The following RALYL variants were observed in gnomAD, a reference collection of about 807,000 sequenced individuals.
RALYL encodes the protein RALY RNA binding protein like.
RALYL carries 29 observed loss-of-function variants against 35.1 expected under a neutral mutation model. The observed-to-expected ratio is 0.83, with a 90% CI of 0.61 to 1.13. RALYL has a LOEUF of 1.13. Ranked by LOEUF, RALYL falls within the 50% of genes most tolerant of loss-of-function variation. RALYL has a pLI of 0.00. For missense variants in RALYL, 359 were observed against 360.4 expected (o/e 1.00, Z 0.03); for synonymous variants, 120 against 127.6 (o/e 0.94, Z 0.40).
intron 6 of RALYL, among the ~76,000 whole-genome samples, chr8:84,869,013 TTA>T (rs139498971): frequency 6.6e-6 from 1 of 151,076 alleles, no homozygotes; most frequent in Non-Finnish European, 1.5e-5. Flanking sequence ...TATAGGATAT[TTA>T]TATATATATA....
intron 2 of RALYL, among the ~76,000 whole-genome samples, chr8:84,530,487 T>TAA (rs11357141): frequency 2.8e-5 from 4 of 143,910 alleles, no homozygotes; most frequent in African/African-American, 5.1e-5. Context: ...TTATCCAGTT[T>TAA]AAAAAAAAAA....
chr8:84,800,804 T>C (rs1823067521), intron 3 of RALYL, among the ~76,000 whole-genome samples: 1 of 152,176 alleles, frequency 6.6e-6, no homozygotes, highest in Non-Finnish European at 1.5e-5. Context: ...TTCTTTTACT[T>C]TTTTTTCATT....
At chr8:84,496,432 A>C (rs1474598861) in intron 1 of RALYL, among the ~76,000 whole-genome samples, 1 of 152,168 alleles carries the variant, frequency 6.6e-6, no homozygotes, top group African/African-American at 2.4e-5. Flanking sequence ...GAAGATTTAC[A>C]CAACTGACAG....
At chr8:84,470,113 G>A (rs1002016327) in intron 1 of RALYL, among the ~76,000 whole-genome samples, 6 of 152,162 alleles carry the variant, frequency 3.9e-5, no homozygotes, top group East Asian at 1.9e-4. Flanking sequence ...CGTCGCTCAC[G>A]CTGGGAGCTG....
intron 2 of RALYL, among the ~76,000 whole-genome samples, chr8:84,566,460 A>C (rs149412040): frequency 6.6e-6 from 1 of 151,628 alleles, no homozygotes; most frequent in African/African-American, 2.4e-5. Context: ...TTCTCTGTGC[A>C]TACTAGAGCC....
chr8:84,693,204 C>T (rs1456189540), intron 2 of RALYL, among the ~76,000 whole-genome samples: 2 of 151,896 alleles, frequency 1.3e-5, no homozygotes, highest in East Asian at 3.9e-4. Context: ...TGTATTAGCC[C>T]ATTCTCACAC....
intron 1 of RALYL, among the ~76,000 whole-genome samples, chr8:84,200,566 A>G (rs538914447): frequency 1.3e-5 from 2 of 152,246 alleles, no homozygotes; most frequent in East Asian, 3.9e-4. Flanking sequence ...TCTTAAAATA[A>G]TTTTAACTGT....
At chr8:84,606,800 G>T (rs999685878) in intron 2 of RALYL, among the ~76,000 whole-genome samples, 1 of 152,054 alleles carries the variant, frequency 6.6e-6, no homozygotes, top group Non-Finnish European at 1.5e-5. Flanking sequence ...GCATTAAAGG[G>T]CAATATACCA....
chr8:84,352,830 A>G (rs1419070794), intron 1 of RALYL, among the ~76,000 whole-genome samples: 2 of 150,308 alleles, frequency 1.3e-5, no homozygotes, highest in Non-Finnish European at 3.0e-5. Context: ...ACTGATAGTC[A>G]GTAGACCTAG....
chr8:84,446,303 GTTC>G (rs1232938654), intron 1 of RALYL, among the ~76,000 whole-genome samples: 2 of 151,862 alleles, frequency 1.3e-5, no homozygotes, highest in Non-Finnish European at 2.9e-5. Flanking sequence ...AAAAATCATA[GTTC>G]TTTTTTAAAA....
In RALYL at chr8:84,347,858, T is replaced by C. The variant is rs190282115; in HGVS notation, c.-24+163434T>C. 6.6e-5 allele frequency among the ~76,000 whole-genome samples: 10 copies of C among 152,244 alleles called. No individual in the cohort carries two copies. In the East Asian group the frequency reaches 1.9e-3, roughly 30 times the overall value. On this transcript the variant is annotated intron_variant, in intron 1 of 8. Coordinates refer to ENST00000521268, the MANE Select transcript of RALYL (RefSeq NM_173848.7). ...ACAAATTAAATTCAGCAAAGCTTGC[T>C]ATTTGAGTAAAGAACAATTCATGAG... is the stretch of plus-strand genomic sequence containing the variant.
chr8:84,228,076 C>T (rs558437163), intron 1 of RALYL, among the ~76,000 whole-genome samples: 1 of 150,982 alleles, frequency 6.6e-6, no homozygotes, highest in Non-Finnish European at 1.5e-5. Flanking sequence ...TGAAGAGATA[C>T]TCCCCTATTC....
At chr8:84,341,879 C>T (rs1848854019) in intron 1 of RALYL, among the ~76,000 whole-genome samples, 1 of 151,812 alleles carries the variant, frequency 6.6e-6, no homozygotes, top group South Asian at 2.1e-4. Context: ...TGGAGAATTT[C>T]CCATATGTAG....
At chr8:84,885,617 C>T (rs1338886861) in intron 7 of RALYL, among the ~76,000 whole-genome samples, 2 of 152,056 alleles carry the variant, frequency 1.3e-5, no homozygotes, top group Non-Finnish European at 2.9e-5. Flanking sequence ...AACATCAAGG[C>T]GTGTATAGCT....
chr8:84,764,702 C>A (rs879596084), intron 2 of RALYL, among the ~76,000 whole-genome samples: 2 of 152,166 alleles, frequency 1.3e-5, no homozygotes, highest in African/African-American at 2.4e-5. Flanking sequence ...TGTGTCAGAA[C>A]TAATTTATGA....
At chr8:84,636,245 G>A (rs1458041580) in intron 2 of RALYL, among the ~76,000 whole-genome samples, 2 of 151,632 alleles carry the variant, frequency 1.3e-5, no homozygotes, top group South Asian at 2.1e-4. Context: ...GCTCTGAAAT[G>A]TCTTATATCT....
intron 2 of RALYL, among the ~76,000 whole-genome samples, chr8:84,530,162 G>A (rs1425311599): frequency 1.3e-5 from 2 of 151,768 alleles, no homozygotes; most frequent in Non-Finnish European, 2.9e-5. Context: ...TCAAAGAAAG[G>A]AAAACAATGC....
At chr8:84,644,012 GC>G (rs1177204322) in intron 2 of RALYL, among the ~76,000 whole-genome samples, 1 of 152,006 alleles carries the variant, frequency 6.6e-6, no homozygotes, top group Admixed American at 6.6e-5. Flanking sequence ...TTTAAGGCTA[GC>G]ACCTGGGACT....
chr8:84,365,333 A>C (rs1416859946), intron 1 of RALYL, among the ~76,000 whole-genome samples: 1 of 152,126 alleles, frequency 6.6e-6, no homozygotes, highest in Non-Finnish European at 1.5e-5. Flanking sequence ...CCAGCTAAAC[A>C]TGTTTTTCCT....
Sources: allele counts gnomAD v4.1 joint callset (sites outside exome capture counted in the v4.1 genomes callset), GRCh38; gene constraint gnomAD v4.1.1; transcripts MANE v1.5; gene names NCBI Gene and HGNC (gene_info 2026-07-23, HGNC 2026-07-21).